KIF16B: variants seen among roughly 807,000 people sequenced by gnomAD.
KIF16B encodes kinesin family member 16B, also known as kinesin-like protein KIF16B.
In KIF16B, 98 loss-of-function variants were observed where a neutral mutation model predicts 156.3. The observed-to-expected ratio is 0.63, with a 90% CI of 0.53 to 0.74. The LOEUF (loss-of-function observed/expected upper bound fraction) is 0.74. KIF16B is among the 30% of genes least tolerant of loss of function. KIF16B has a pLI of 0.00. For synonymous variants in KIF16B, 564 were observed against 583.7 expected, an observed-to-expected ratio of 0.97 and a Z score of 0.49; for missense variants, 1,421 against 1,606.5, an observed-to-expected ratio of 0.88 and a Z score of 1.97.
At chr20:16,479,357 G>A (rs1174160676) in intron 12 of KIF16B, among the ~76,000 whole-genome samples, 2 of 152,082 alleles carry the variant, frequency 1.3e-5, no homozygotes, top group Non-Finnish European at 2.9e-5. Flanking sequence ...GGGGACTGGA[G>A]GCGGCGGATG....
At chr20:16,325,352 G>C (rs1376717250) in intron 24 of KIF16B, among the ~76,000 whole-genome samples, 1 of 123,042 alleles carries the variant, frequency 8.1e-6, no homozygotes, top group African/African-American at 3.2e-5. Flanking sequence ...ATCAGAAACA[G>C]GAAGTCAAAC....
At chr20:16,439,759 T>C (rs749924216) in intron 12 of KIF16B, among the ~76,000 whole-genome samples, 1 of 152,118 alleles carries the variant, frequency 6.6e-6, no homozygotes, top group Non-Finnish European at 1.5e-5. Context: ...ACATCTTACA[T>C]GGATGGCAGC....
chr20:16,494,885 A>G (rs1215717143), intron 11 of KIF16B, among the ~76,000 whole-genome samples: 1 of 152,100 alleles, frequency 6.6e-6, no homozygotes, highest in Non-Finnish European at 1.5e-5. Flanking sequence ...TCTTTAAACG[A>G]CTCTTAGTAA....
At chr20:16,405,759 T>C (rs1263730351) in intron 16 of KIF16B, among the ~76,000 whole-genome samples, 6 of 152,302 alleles carry the variant, frequency 3.9e-5, no homozygotes, top group African/African-American at 1.4e-4. Context: ...TGTACAAGTT[T>C]AGCACCATTC....
At chr20:16,368,971 A>G (rs928834244) in intron 22 of KIF16B, 2 of 985,704 alleles carry the variant, frequency 2.0e-6, no homozygotes, top group South Asian at 4.7e-5. Context: ...AAGAAAAGAG[A>G]TTTTAGGTAG....
chr20:16,429,761 T>A (rs932107728), intron 13 of KIF16B, 102 bp downstream of exon 13: 5 of 959,916 alleles, frequency 5.2e-6, no homozygotes, highest in African/African-American at 1.7e-5. Context: ...TTTAATTTAA[T>A]TTAGTTGTGT....
intron 1 of KIF16B, among the ~76,000 whole-genome samples, chr20:16,553,520 T>C (rs897436939): frequency 6.6e-6 from 1 of 152,150 alleles, no homozygotes; most frequent in African/African-American, 2.4e-5. Context: ...CCTAAGAGAG[T>C]ATCTACTGTT....
chr20:16,461,611 G>T (rs2067347334), intron 12 of KIF16B, among the ~76,000 whole-genome samples: 1 of 152,102 alleles, frequency 6.6e-6, no homozygotes, highest in Admixed American at 6.5e-5. Flanking sequence ...AGATAGAAGA[G>T]CTCTTTCTAA....
At chr20:16,443,173 A>G (rs1022816567) in intron 12 of KIF16B, among the ~76,000 whole-genome samples, 8 of 148,852 alleles carry the variant, frequency 5.4e-5, no homozygotes, top group African/African-American at 2.1e-4. Flanking sequence ...GAGAAGAGAG[A>G]ATATAACCCC....
At chr20:16,560,081 TA>T (rs2147352556) in intron 1 of KIF16B, among the ~76,000 whole-genome samples, 1 of 152,204 alleles carries the variant, frequency 6.6e-6, no homozygotes, top group African/African-American at 2.4e-5. Flanking sequence ...AAGTTAAAAA[TA>T]TTTTTAAAAA....
At chr20:16,422,310 CTTTTGTCT>C (rs2066245714) in intron 15 of KIF16B, among the ~76,000 whole-genome samples, 1 of 152,074 alleles carries the variant, frequency 6.6e-6, no homozygotes, top group South Asian at 2.1e-4. Flanking sequence ...CTAAAAGTTC[CTTTTGTCT>C]TTTTGGTGTT....
At chr20:16,528,504 A>G (rs1222159857) in intron 1 of KIF16B, 64 bp from the exon 2 acceptor site, 2 of 1,196,198 alleles carry the variant, frequency 1.7e-6, no homozygotes, top group Non-Finnish European at 2.5e-6. Context: ...AAACAAAACT[A>G]AACCCATTTG....
intron 25 of KIF16B, among the ~76,000 whole-genome samples, chr20:16,297,025 C>T (rs2063397853): frequency 6.6e-6 from 1 of 152,234 alleles, no homozygotes; most frequent in Admixed American, 6.5e-5. Flanking sequence ...CCTTTGGACT[C>T]AAACTGAACC....
At chr20:16,273,770 C>T (rs2063018454) in intron 25 of KIF16B, among the ~76,000 whole-genome samples, 2 of 152,140 alleles carry the variant, frequency 1.3e-5, no homozygotes, top group South Asian at 4.1e-4. Context: ...TTCCCACCCA[C>T]CTGGAAAGTG....
At chr20:16,565,541 T>C (rs1222980547) in intron 1 of KIF16B, among the ~76,000 whole-genome samples, 1 of 152,166 alleles carries the variant, frequency 6.6e-6, no homozygotes, top group Admixed American at 6.6e-5. Flanking sequence ...ACTTGCCCAG[T>C]CACTCGGCTA....
chr20:16,413,919 A>T (rs887489156), intron 15 of KIF16B, among the ~76,000 whole-genome samples: 13 of 151,992 alleles, frequency 8.6e-5, no homozygotes, highest in Non-Finnish European at 1.8e-4. Context: ...TTCTTATTTC[A>T]TTGCCTGATT....
intron 16 of KIF16B, among the ~76,000 whole-genome samples, chr20:16,405,748 A>G (rs1283270821): frequency 6.6e-6 from 1 of 152,144 alleles, no homozygotes; most frequent in Non-Finnish European, 1.5e-5. Context: ...GATAGAATAT[A>G]TGTACAAGTT....
At chr20:16,341,949 A>T (rs1485890290) in intron 23 of KIF16B, among the ~76,000 whole-genome samples, 3 of 152,174 alleles carry the variant, frequency 2.0e-5, no homozygotes, top group Non-Finnish European at 4.4e-5. Context: ...TGAATAAAGA[A>T]ATATAGTATA....
chr20:16,342,847 T>G (rs2064163632), intron 23 of KIF16B, among the ~76,000 whole-genome samples: 1 of 152,208 alleles, frequency 6.6e-6, no homozygotes, highest in Non-Finnish European at 1.5e-5. Flanking sequence ...ACTGCATGTA[T>G]GATCACGGCA....
Sources: allele counts gnomAD v4.1 joint callset (sites outside exome capture counted in the v4.1 genomes callset), GRCh38; gene constraint gnomAD v4.1.1; transcripts MANE v1.5; gene names NCBI Gene and HGNC (gene_info 2026-07-23, HGNC 2026-07-21).